The following KIF20B variants were observed in gnomAD, a reference collection of about 807,000 sequenced individuals.
KIF20B encodes the protein kinesin-like protein KIF20B.
KIF20B carries 188 observed loss-of-function variants against 232.5 expected under a neutral mutation model. The ratio of observed to expected loss-of-function variants is 0.81; its 90% CI spans 0.72 to 0.91. KIF20B has a LOEUF of 0.91. Ranked by LOEUF, KIF20B falls within the 40% of genes least tolerant of loss-of-function variation. KIF20B has a pLI of 0.00. For missense variants in KIF20B, 2,154 were observed against 2,055.9 expected, an observed-to-expected ratio of 1.05 and a Z score of -0.92; for synonymous variants, 712 against 683.0, an observed-to-expected ratio of 1.04 and a Z score of -0.66.
chr10:89,751,572 T>G, intron 24 of KIF20B, 101 bp downstream of exon 24: 1 of 1,079,218 alleles, frequency 9.3e-7, no homozygotes, highest in Non-Finnish European at 1.3e-6. Context: ...TTTTCAGTGA[T>G]TGATAATGGA....
chr10:89,723,378 TTATG>T (rs34667698), intron 13 of KIF20B, among the ~76,000 whole-genome samples: 6,640 of 152,322 alleles, frequency 0.044, 190 homozygotes, highest in Middle Eastern at 0.082. Context: ...TTTTTCATGA[TTATG>T]TATGTGTTTC....
chr10:89,703,393 A>C (rs1044847742), intron 1 of KIF20B, among the ~76,000 whole-genome samples: 1 of 152,208 alleles, frequency 6.6e-6, no homozygotes, highest in Non-Finnish European at 1.5e-5. Flanking sequence ...ACAGGATTGT[A>C]GGCAAAGGAA....
chr10:89,712,942 G>C (rs923208487), intron 6 of KIF20B, among the ~76,000 whole-genome samples: 17 of 152,226 alleles, frequency 1.1e-4, no homozygotes, highest in African/African-American at 4.1e-4. Flanking sequence ...TGTTACCAGT[G>C]GAGTTCAAAG....
chr10:89,773,648 C>T (rs1842512168), intron 32 of KIF20B, among the ~76,000 whole-genome samples: 2 of 151,796 alleles, frequency 1.3e-5, no homozygotes, highest in Admixed American at 1.3e-4. Flanking sequence ...CATTTGTTGC[C>T]ACGAAAGATC....
chr10:89,744,191 A>C (rs1341933972), intron 22 of KIF20B, among the ~76,000 whole-genome samples: 1 of 152,200 alleles, frequency 6.6e-6, no homozygotes. Flanking sequence ...ATACCACTTT[A>C]ACCAAGTGTT....
At chr10:89,722,922 T>C (rs777236545) in intron 13 of KIF20B, among the ~76,000 whole-genome samples, 3 of 152,180 alleles carry the variant, frequency 2.0e-5, no homozygotes, top group Non-Finnish European at 4.4e-5. Context: ...TATATAAAAA[T>C]AAATTGTGAA....
chr10:89,718,862 T>A lies in KIF20B; in HGVS notation c.1424T>A (p.Ile475Asn). 1 of 1,542,646 alleles carries A rather than the reference T, an allele frequency of 6.5e-7. No homozygotes were observed. The highest frequency in any genetic ancestry group is 8.7e-7 in the Non-Finnish European group (1 of 1,146,310). Residue 475 changes from isoleucine (I) to asparagine (N), a missense_variant, in exon 12 of 33, where the codon ATT becomes AAT. Transcript: ENST00000371728. ...CTCAATGTATTGAAGTTCTCCGCCA[T>A]TGCACAAAAAGTAAATATTTATTTT... ...ETLNVLKFSA[I>N]AQKVCVPDTL...
Position 89,762,761 on chromosome 10 carries a change from C to T in KIF20B, c.4915C>T (p.His1639Tyr). Residue 1639 changes from histidine (H) to tyrosine (Y), a missense_variant, in exon 29 of 33, where the codon CAC becomes TAC. Physicochemically the swap from His to Tyr is moderately conservative, Grantham distance 83 (BLOSUM62 2). Transcript: ENST00000371728. ...PLQPNKMAVK[H>Y]PGCTTPVTVK... ...ACAGCCAAACAAAATGGCAGTGAAACACCCTGGTTGTACCACACCAGTGAC... is the reference window on the plus strand; with the variant it reads ...ACAGCCAAACAAAATGGCAGTGAAATACCCTGGTTGTACCACACCAGTGAC... The T allele has an allele frequency of 6.2e-7, 1 of 1,613,432 alleles. No individual in the cohort carries two copies.
chr10:89,734,686 A>G (rs1259925348), intron 19 of KIF20B, among the ~76,000 whole-genome samples: 1 of 152,230 alleles, frequency 6.6e-6, no homozygotes, highest in Non-Finnish European at 1.5e-5. Context: ...GATTCATTAC[A>G]TGTGCATCCC....
chr10:89,765,327 A>G (rs1025854602), intron 29 of KIF20B, among the ~76,000 whole-genome samples: 9 of 152,198 alleles, frequency 5.9e-5, no homozygotes, highest in African/African-American at 1.2e-4. Context: ...CCAACTTACA[A>G]GGGACTTGAA....
chr10:89,726,324 T>G lies in KIF20B; in HGVS notation c.2033T>G (p.Ile678Ser), dbSNP rs763106606. ...CATAATTATGTAGGATTTGAAGATA[T>G]TATTGATTCTCTTCAAGATAATGTT... Reference protein sequence around the residue: ...ETHNYVGFEDIIDSLQDNVAD... With the variant: ...ETHNYVGFEDSIDSLQDNVAD... Residue 678 changes from isoleucine (I) to serine (S), a missense_variant, in exon 16 of 33, where the codon ATT (isoleucine) becomes AGT (serine). Physicochemically the swap from Ile to Ser is moderately radical, Grantham distance 142. Transcript: ENST00000371728. The G allele has an allele frequency of 7.8e-6, 12 of 1,537,478 alleles. No individual in the cohort carries two copies. The highest frequency in any genetic ancestry group is 1.7e-4 in the Middle Eastern group (1 of 5,902).
chr10:89,708,245 C>G (rs889298140), intron 2 of KIF20B, among the ~76,000 whole-genome samples: 4 of 147,852 alleles, frequency 2.7e-5, no homozygotes, highest in African/African-American at 1.0e-4. Context: ...GAGTTCTGCT[C>G]TTGTTGCCCA....
chr10:89,717,760 T>C (rs1267162408), intron 11 of KIF20B, 38 bp downstream of exon 11: 1 of 1,425,336 alleles, frequency 7.0e-7, no homozygotes, highest in Non-Finnish European at 9.5e-7. Context: ...ATATTAAATA[T>C]TACAATATTT....
At chr10:89,743,614 A>G (rs1841850794) in intron 21 of KIF20B, among the ~76,000 whole-genome samples, 194 bp from the exon 22 acceptor site, 1 of 152,220 alleles carries the variant, frequency 6.6e-6, no homozygotes, top group Non-Finnish European at 1.5e-5. Context: ...TGCATTCTTC[A>G]TTAGAGTATT....
intron 22 of KIF20B, among the ~76,000 whole-genome samples, chr10:89,744,321 G>T (rs150783809): frequency 1.8e-3 from 269 of 152,066 alleles, no homozygotes; most frequent in Non-Finnish European, 3.1e-3. Flanking sequence ...GACTCTTCAC[G>T]AAAAAACATT....
chr10:89,747,740 G>T (rs1170096581), intron 23 of KIF20B, among the ~76,000 whole-genome samples: 1 of 151,708 alleles, frequency 6.6e-6, no homozygotes, highest in African/African-American at 2.4e-5. Flanking sequence ...CTGTTATGGG[G>T]TGGGGGGAGT....
At chr10:89,728,203 C>A (rs1312823412) in intron 17 of KIF20B, among the ~76,000 whole-genome samples, 6 of 152,104 alleles carry the variant, frequency 3.9e-5, no homozygotes, top group Non-Finnish European at 7.4e-5. Flanking sequence ...AGACATTACA[C>A]CTACTGTTTA....
chr10:89,771,661 G>A (rs2133182562), intron 31 of KIF20B, among the ~76,000 whole-genome samples: 1 of 152,076 alleles, frequency 6.6e-6, no homozygotes, highest in Non-Finnish European at 1.5e-5. Flanking sequence ...GAACAGGAGG[G>A]GGAACCTTGA....
In KIF20B at chr10:89,719,638, C is replaced by T. The variant is rs1276846309; in HGVS notation, c.1654C>T (p.Leu552Phe). Residue 552 changes from leucine to phenylalanine, a missense_variant, in exon 13 of 33, where the codon CTT becomes TTT. Coordinates refer to ENST00000371728, the MANE Select transcript of KIF20B (RefSeq NM_001284259.2). ...AEETQNVETK[L>F]LDEDLDKTLE... ...AGAAACTCAAAATGTGGAAACTAAA[C>T]TTCTTGATGAAGATCTAGATAAAAC... is the stretch of plus-strand genomic sequence containing the variant. The T allele has an allele frequency of 2.5e-6, 4 of 1,612,610 alleles. No homozygotes were observed. The highest frequency in any genetic ancestry group is 1.3e-5 in the African/African-American group (1 of 74,862).
Sources: gnomAD v4.1 joint callset for allele counts (sites outside exome capture counted in the v4.1 genomes callset) on GRCh38, gnomAD v4.1.1 for gene constraint, MANE v1.5 for transcripts, NCBI Gene and HGNC (gene_info 2026-07-23, HGNC 2026-07-21) for gene names.